Variants in PCDHGA3 observed in about 807,000 individuals in gnomAD.
PCDHGA3 encodes protocadherin gamma subfamily A, 3.
A neutral mutation model predicts 58.5 loss-of-function variants in PCDHGA3; 40 were observed. The observed-to-expected ratio is 0.68, with a 90% CI of 0.53 to 0.89. PCDHGA3 has a LOEUF of 0.89. PCDHGA3 is among the 40% of genes least tolerant of loss of function. The probability of loss-of-function intolerance (pLI) is 0.00; values close to 1 mark genes in which losing one functional copy is unlikely to be tolerated. For missense variants in PCDHGA3, 1,223 were observed against 1,195.9 expected (o/e 1.02, Z -0.33); for synonymous variants, 530 against 525.7 (o/e 1.01, Z -0.11).
Position 141,414,833 on chromosome 5 carries a change from G to A in PCDHGA3, c.2424+68376G>A, listed in dbSNP as rs768992312. On this transcript the variant is annotated intron_variant, in intron 1 of 3. Coordinates refer to ENST00000253812, the MANE Select transcript of PCDHGA3 (RefSeq NM_018916.4). ...CCACTCAGCAGCAACGTGTCGTTGAGCCTGTTTGTGCTGGACCAGAACGAC... is the reference window on the plus strand; with the variant it reads ...CCACTCAGCAGCAACGTGTCGTTGAACCTGTTTGTGCTGGACCAGAACGAC... 1.9e-6 allele frequency: 3 copies of A among 1,614,098 alleles called. No homozygotes were observed. In the East Asian group the frequency reaches 6.7e-5, roughly 36 times the overall value.
At position 141,485,326 on chromosome 5, in the gene PCDHGA3, T is replaced by C. The variant is rs2154580391; in HGVS notation, c.2425-9481T>C. On this transcript the variant is annotated intron_variant, in intron 1 of 3. Coordinates refer to ENST00000253812, the MANE Select transcript of PCDHGA3 (RefSeq NM_018916.4). This position sits in a 1 kb window ranked among gnomAD's most constrained non-coding sequence, Gnocchi z 5.7. ...CTTTTGTAGGGAATGTCGCTCAAGATTTCCTGCTGGATACGGACAGTCTGT... is the reference window on the plus strand; with the variant it reads ...CTTTTGTAGGGAATGTCGCTCAAGACTTCCTGCTGGATACGGACAGTCTGT... 1 of 1,614,106 alleles carries C rather than the reference T, an allele frequency of 6.2e-7. No homozygotes were observed. The highest frequency in any genetic ancestry group is 1.7e-5 in the Admixed American group (1 of 60,028).
rs1382764259 is a variant in PCDHGA3 at position 141,478,383 on chromosome 5, T to G, written c.2425-16424T>G. 2.5e-6 allele frequency: 4 copies of G among 1,613,630 alleles called. No individual in the cohort carries two copies. In the Admixed American group the frequency reaches 6.7e-5, roughly 27 times the overall value. Reference sequence around the variant, plus strand: ...CGGGGAGGCCTGATGTCGCCGCACCTTTACCATCAGGTGTATCTCACCACG... The same window carrying G: ...CGGGGAGGCCTGATGTCGCCGCACCGTTACCATCAGGTGTATCTCACCACG... On this transcript the variant is annotated intron_variant, in intron 1 of 3. Coordinates refer to ENST00000253812, the MANE Select transcript of PCDHGA3 (RefSeq NM_018916.4).
At chr5:141,389,328 A>G (rs2091708257) in intron 1 of PCDHGA3, 2 of 1,613,854 alleles carry the variant, frequency 1.2e-6, no homozygotes, top group African/African-American at 2.7e-5. Context: ...CTTGGGGCCC[A>G]ACGGCCAAGT....
At chr5:141,355,936 G>C in intron 1 of PCDHGA3, 1 of 1,613,826 alleles carries the variant, frequency 6.2e-7, no homozygotes, top group Non-Finnish European at 8.5e-7. Flanking sequence ...CACTCAGCCC[G>C]AGTACCACGT....
chr5:141,358,047 A>G (rs532644383), intron 1 of PCDHGA3, among the ~76,000 whole-genome samples: 1 of 152,202 alleles, frequency 6.6e-6, no homozygotes, highest in Admixed American at 6.5e-5. Flanking sequence ...AAAGTTAGCT[A>G]GGCGTGGTGG....
intron 1 of PCDHGA3, chr5:141,404,120 C>T (rs1224189151): frequency 1.2e-6 from 2 of 1,613,312 alleles, no homozygotes; most frequent in East Asian, 4.5e-5. Flanking sequence ...CCAGGAGAAT[C>T]TATCTTTTAC....
chr5:141,366,316 T>G, intron 1 of PCDHGA3: 1 of 1,613,764 alleles, frequency 6.2e-7, no homozygotes, highest in Non-Finnish European at 8.5e-7. Flanking sequence ...CGGTCACCGT[T>G]GCCGTGGCCG....
intron 1 of PCDHGA3, chr5:141,422,542 G>T (rs368252552): frequency 1.2e-5 from 19 of 1,613,878 alleles, no homozygotes; most frequent in Admixed American, 1.7e-5. Context: ...AGAAACTCAT[G>T]TCTGGCTGAA....
intron 1 of PCDHGA3, among the ~76,000 whole-genome samples, chr5:141,472,352 T>G (rs1364883510): frequency 6.6e-6 from 1 of 151,718 alleles, no homozygotes; most frequent in Non-Finnish European, 1.5e-5. Context: ...CCATCCTGGC[T>G]AACACGGTGA....
At chr5:141,346,520 T>C in intron 1 of PCDHGA3, 63 bp downstream of exon 1, 1 of 1,595,242 alleles carries the variant, frequency 6.3e-7, no homozygotes, top group Non-Finnish European at 8.6e-7. Context: ...TTATAAAGCT[T>C]TAACACATAT....
At chr5:141,450,815 A>T (rs183350620) in intron 1 of PCDHGA3, among the ~76,000 whole-genome samples, 1,650 of 126,706 alleles carry the variant, frequency 0.013, 15 homozygotes, top group African/African-American at 0.032. Context: ...TATTTATTTA[A>T]TATTATTATT....
At chr5:141,358,886 A>T (rs6863227) in intron 1 of PCDHGA3, among the ~76,000 whole-genome samples, 1,958 of 152,292 alleles carry the variant, frequency 0.013, 53 homozygotes, top group African/African-American at 0.045. Context: ...TGGCTCTGGG[A>T]TTATTTTATA....
chr5:141,366,329 A>G (rs1342085917), intron 1 of PCDHGA3: 1 of 1,613,868 alleles, frequency 6.2e-7, no homozygotes, highest in South Asian at 1.1e-5. Flanking sequence ...CGTGGCCGAC[A>G]GGATCCCTGA....
At chr5:141,430,635 T>C (rs1561846344) in intron 1 of PCDHGA3, 1 of 881,828 alleles carries the variant, frequency 1.1e-6, no homozygotes, top group African/African-American at 1.7e-5. Context: ...GAACCATCCC[T>C]GGGAGTATGT....
rs750233767 is a variant in PCDHGA3 at position 141,490,877 on chromosome 5, C to A, written c.2425-3930C>A. 1 of 1,613,880 alleles carries A rather than the reference C, an allele frequency of 6.2e-7. No individual in the cohort carries two copies. Among genetic ancestry groups the A allele is most frequent in the Non-Finnish European group, 8.5e-7 (1 of 1,179,900 alleles). On this transcript the variant is annotated intron_variant, in intron 1 of 3. Coordinates refer to ENST00000253812, the MANE Select transcript of PCDHGA3 (RefSeq NM_018916.4). This position sits in a 1 kb window ranked among gnomAD's most constrained non-coding sequence, Gnocchi z 5.4. Reference sequence around the variant, plus strand: ...GACTCCGGCTCTCCCCCATTGCATGCCAACACATCTCTGCATGTGTTTGTC... The same window carrying A: ...GACTCCGGCTCTCCCCCATTGCATGACAACACATCTCTGCATGTGTTTGTC...
At chr5:141,421,776 G>A in intron 1 of PCDHGA3, 5 of 1,613,876 alleles carry the variant, frequency 3.1e-6, no homozygotes, top group Non-Finnish European at 3.4e-6. Context: ...CCTTGCAACT[G>A]CGGGGCAGAA....
At chr5:141,421,119 C>T (rs542039688) in intron 1 of PCDHGA3, 1 of 772,768 alleles carries the variant, frequency 1.3e-6, no homozygotes, top group Non-Finnish European at 2.0e-6. Flanking sequence ...TATTTTCCTT[C>T]GCTTTCTGAT....
chr5:141,415,496 T>C, intron 1 of PCDHGA3: 1 of 1,614,070 alleles, frequency 6.2e-7, no homozygotes. Flanking sequence ...CACCTGATCT[T>C]CCCCCAGCCC....
intron 1 of PCDHGA3, chr5:141,374,885 G>T: frequency 6.2e-7 from 1 of 1,613,628 alleles, no homozygotes; most frequent in South Asian, 1.1e-5. Flanking sequence ...GACTGCCACC[G>T]ACCAGGATGA....
Sources: gnomAD v4.1 joint callset for allele counts (sites outside exome capture counted in the v4.1 genomes callset) on GRCh38, gnomAD v4.1.1 for gene constraint, Gnocchi (gnomAD v3.1) non-coding constraint, MANE v1.5 for transcripts, NCBI Gene and HGNC (gene_info 2026-07-23, HGNC 2026-07-21) for gene names.